Variants in ADGRG2 observed in about 807,000 individuals in gnomAD.
ADGRG2 encodes the protein adhesion G protein-coupled receptor G2.
A neutral mutation model predicts 74.1 loss-of-function variants in ADGRG2; 26 were observed. The observed-to-expected ratio is 0.35, with a 90% CI of 0.26 to 0.49. The LOEUF (loss-of-function observed/expected upper bound fraction) is 0.49, where lower values mean the gene tolerates loss of function less well. ADGRG2 is among the 20% of genes least tolerant of loss of function. The pLI, the probability that ADGRG2 is intolerant of heterozygous loss-of-function variation, is 0.99. For synonymous variants in ADGRG2, 296 were observed against 295.2 expected, an observed-to-expected ratio of 1.00 and a Z score of -0.03; for missense variants, 619 against 763.1, an observed-to-expected ratio of 0.81 and a Z score of 2.22.
intron 24 of ADGRG2, among the ~76,000 whole-genome samples, chrX:19,002,545 T>C (rs773624430): frequency 1.8e-5 from 2 of 111,985 alleles, no homozygotes; most frequent in South Asian, 7.4e-4. Context: ...CAAGCTAATG[T>C]TTTCAATATA....
intron 1 of ADGRG2, among the ~76,000 whole-genome samples, chrX:19,119,289 T>C (rs771022472): frequency 8.9e-6 from 1 of 112,561 alleles, no homozygotes; most frequent in African/African-American, 3.2e-5. Flanking sequence ...ATTGCGGGAA[T>C]TTATTTTATG....
intron 2 of ADGRG2, among the ~76,000 whole-genome samples, chrX:19,069,905 C>T (rs966861362): frequency 1.8e-5 from 2 of 112,711 alleles, no homozygotes; most frequent in African/African-American, 6.4e-5. Flanking sequence ...GAGGCTGTCA[C>T]ACTGACCCTC....
At chrX:19,046,133 G>T (rs942139071) in intron 3 of ADGRG2, among the ~76,000 whole-genome samples, 12 of 112,227 alleles carry the variant, frequency 1.1e-4, no homozygotes, top group African/African-American at 3.9e-4. Flanking sequence ...TGAGTAGCTG[G>T]GACTACAGAG....
chrX:19,068,634 A>T (rs2061603673), intron 3 of ADGRG2, 83 bp downstream of exon 3: 5 of 459,370 alleles, frequency 1.1e-5, no homozygotes, highest in East Asian at 3.6e-5. Context: ...ATTTTACCAC[A>T]GTAAAAAAAT....
chrX:19,052,092 A>G (rs888154553), intron 3 of ADGRG2, among the ~76,000 whole-genome samples: 2 of 111,950 alleles, frequency 1.8e-5, no homozygotes, highest in Non-Finnish European at 3.8e-5. Context: ...AATCCTCACA[A>G]TAGCCCTACA....
chrX:19,055,240 T>TTGTG (rs35438679), intron 3 of ADGRG2, among the ~76,000 whole-genome samples: 1,266 of 103,639 alleles, frequency 0.012, 6 homozygotes, highest in African/African-American at 0.027. Flanking sequence ...GCAAATCCCT[T>TTGTG]TGTGTGTGTG....
intron 26 of ADGRG2, 141 bp from the exon 27 acceptor site, chrX:18,996,293 G>A: frequency 2.6e-6 from 1 of 391,605 alleles, no homozygotes; most frequent in Non-Finnish European, 4.5e-6. Flanking sequence ...AAAGTTCAGA[G>A]TCCTAGGAAA....
At chrX:19,109,233 A>G (rs2062370379) in intron 1 of ADGRG2, among the ~76,000 whole-genome samples, 1 of 111,562 alleles carries the variant, frequency 9.0e-6, no homozygotes, top group Non-Finnish European at 1.9e-5. Context: ...TGTGAATACA[A>G]TAAGCATTTG....
intron 2 of ADGRG2, among the ~76,000 whole-genome samples, chrX:19,077,707 C>T (rs770073659): frequency 2.7e-5 from 3 of 111,490 alleles, no homozygotes; most frequent in Non-Finnish European, 5.6e-5. Context: ...GCTATGCCCA[C>T]ACTAATCAAA....
At chrX:19,122,691 C>T (rs1477575032), upstream of ADGRG2, 1 of 110,054 alleles carries the variant, frequency 9.1e-6, no homozygotes, top group Non-Finnish European at 1.9e-5. Flanking sequence ...GGCAGCGCGG[C>T]CGGCCGAAGC....
At chrX:19,040,976 G>C (rs1459550403) in intron 3 of ADGRG2, among the ~76,000 whole-genome samples, 3 of 110,594 alleles carry the variant, frequency 2.7e-5, no homozygotes, top group African/African-American at 9.8e-5. Context: ...ATATATGCAT[G>C]TGTTTATATG....
chrX:19,057,471 A>G (rs766848378), intron 3 of ADGRG2, among the ~76,000 whole-genome samples: 16 of 111,995 alleles, frequency 1.4e-4, no homozygotes, highest in Non-Finnish European at 2.4e-4. Context: ...AAAGGTAGTC[A>G]TTTAGACGGT....
intron 1 of ADGRG2, among the ~76,000 whole-genome samples, chrX:19,096,138 C>T (rs1247926047): frequency 3.6e-5 from 4 of 111,713 alleles, no homozygotes; most frequent in Non-Finnish European, 7.5e-5. Flanking sequence ...AGGCCAGGTG[C>T]GGTGGCTCAC....
intron 2 of ADGRG2, among the ~76,000 whole-genome samples, chrX:19,074,301 A>C (rs1179282953): frequency 2.8e-5 from 2 of 70,275 alleles, no homozygotes; most frequent in African/African-American, 1.2e-4. Context: ...GTGCAGTGGC[A>C]TGACCACGGT....
chrX:19,053,274 T>G (rs191856943), intron 3 of ADGRG2, among the ~76,000 whole-genome samples: 29 of 111,319 alleles, frequency 2.6e-4, no homozygotes, highest in African/African-American at 9.5e-4. Flanking sequence ...GATGAGGACT[T>G]GAACCCATGC....
chrX:19,013,782 A>G lies in ADGRG2; in HGVS notation c.1003T>C (p.Ser335Pro), dbSNP rs1436798421. ...GCTTTCACAGGAGGTGGGGTGCCGG[A>G]GACATGGGTTTGGGGCATAGGGGAA... ...ISSPMPQTHV[S>P]GTPPPVKASF... Residue 335 changes from serine (S) to proline (P), a missense_variant, in exon 16 of 29, where the codon TCC becomes CCC. Physicochemically the swap from Ser to Pro is moderately conservative, Grantham distance 74. Transcript: ENST00000379869. The G allele has an allele frequency of 8.4e-7, 1 of 1,196,694 alleles. No homozygotes were observed. Among genetic ancestry groups the G allele is most frequent in the African/African-American group, 1.8e-5 (1 of 56,522 alleles).
chrX:19,077,371 G>A (rs1287981006), intron 2 of ADGRG2, among the ~76,000 whole-genome samples: 1 of 103,257 alleles, frequency 9.7e-6, no homozygotes. Context: ...AAATTAGCCA[G>A]GTATGGTGTC....
intron 2 of ADGRG2, among the ~76,000 whole-genome samples, chrX:19,078,653 TGA>T (rs2061794109): frequency 9.2e-6 from 1 of 108,555 alleles, no homozygotes; most frequent in African/African-American, 3.4e-5. Flanking sequence ...AAAGATAGAG[TGA>T]AAATTATATT....
chrX:19,028,808 T>C lies in ADGRG2; in HGVS notation c.359-570A>G, dbSNP rs150804402. Among the ~76,000 whole-genome samples the C allele has an allele frequency of 2.8e-3, 311 of 111,871 alleles. 2 individuals are homozygous for C. The highest frequency in any genetic ancestry group is 9.7e-3 in the African/African-American group (298 of 30,847). Reference sequence around the variant, plus strand: ...GTGAGCAAACTGGCCTTGTGAGCAATGGGGCAAGGATATCACATAAACTAG... The same window carrying C: ...GTGAGCAAACTGGCCTTGTGAGCAACGGGGCAAGGATATCACATAAACTAG... On this transcript the variant is annotated intron_variant, in intron 9 of 28. Transcript: ENST00000379869.
Sources: gnomAD v4.1 joint callset for allele counts (sites outside exome capture counted in the v4.1 genomes callset) on GRCh38, gnomAD v4.1.1 for gene constraint, MANE v1.5 for transcripts, NCBI Gene and HGNC (gene_info 2026-07-23, HGNC 2026-07-21) for gene names.